The following PRDM1 variants were observed in gnomAD, a reference collection of about 807,000 sequenced individuals.
The protein encoded by PRDM1 is PR domain zinc finger protein 1.
In PRDM1, 13 loss-of-function variants were observed where a neutral mutation model predicts 62.8. The observed-to-expected ratio is 0.21, with a 90% CI of 0.13 to 0.33. PRDM1 has a LOEUF of 0.33. Ranked by LOEUF, PRDM1 falls within the 10% of genes least tolerant of loss-of-function variation. The pLI, the probability that PRDM1 is intolerant of heterozygous loss-of-function variation, is 1.00. For synonymous variants in PRDM1, 396 were observed against 417.6 expected, an observed-to-expected ratio of 0.95 and a Z score of 0.63; for missense variants, 895 against 1,058.8, an observed-to-expected ratio of 0.85 and a Z score of 2.15.
At chr6:106,067,621 A>G (rs1284048393) in intron 1 of PRDM1, among the ~76,000 whole-genome samples, 1 of 152,232 alleles carries the variant, frequency 6.6e-6, no homozygotes. Context: ...GCCAGACACG[A>G]AAGTTCAAAT....
intron 1 of PRDM1, among the ~76,000 whole-genome samples, chr6:106,040,304 C>A (rs952032535): frequency 2.0e-5 from 3 of 152,184 alleles, no homozygotes; most frequent in Non-Finnish European, 2.9e-5. Context: ...CTCTTCTCTC[C>A]AGGACCATTC....
intron 1 of PRDM1, among the ~76,000 whole-genome samples, chr6:106,008,523 C>A (rs917955098): frequency 6.6e-6 from 1 of 152,124 alleles, no homozygotes; most frequent in Non-Finnish European, 1.5e-5. Context: ...CAAGTGTCTC[C>A]TTTATAACAT....
intron 2 of PRDM1, among the ~76,000 whole-genome samples, chr6:106,094,215 T>C (rs1426187128): frequency 6.6e-6 from 1 of 152,224 alleles, no homozygotes; most frequent in Non-Finnish European, 1.5e-5. Flanking sequence ...ATATAAAAAC[T>C]GGAAAATAAA....
chr6:106,019,838 C>T (rs1226992686), intron 1 of PRDM1, among the ~76,000 whole-genome samples: 1 of 149,434 alleles, frequency 6.7e-6, no homozygotes, highest in Admixed American at 6.7e-5. Flanking sequence ...CGGGGTTTCA[C>T]CATGTTGGTC....
intron 1 of PRDM1, among the ~76,000 whole-genome samples, chr6:106,031,364 T>C (rs965661760): frequency 3.3e-5 from 5 of 152,238 alleles, no homozygotes; most frequent in South Asian, 2.1e-4. Flanking sequence ...CAGAGGGATC[T>C]GCCCAGGCTT....
At chr6:106,014,878 G>A (rs1326328013) in intron 1 of PRDM1, among the ~76,000 whole-genome samples, 1 of 152,150 alleles carries the variant, frequency 6.6e-6, no homozygotes, top group African/African-American at 2.4e-5. Flanking sequence ...AAGATGGTGA[G>A]CAGGGGTTTT....
chr6:106,062,100 T>A (rs1352899291), intron 1 of PRDM1, among the ~76,000 whole-genome samples: 1 of 152,230 alleles, frequency 6.6e-6, no homozygotes, highest in East Asian at 1.9e-4. Flanking sequence ...TATTTAAAAT[T>A]GTAAAAAAAT....
At chr6:106,087,219 T>C (rs1214939904) in intron 1 of PRDM1, among the ~76,000 whole-genome samples, 1 of 152,194 alleles carries the variant, frequency 6.6e-6, no homozygotes, top group Non-Finnish European at 1.5e-5. Context: ...AGGGAGGATT[T>C]TGGGGGAATA....
At chr6:106,035,671 A>G (rs1772916150) in intron 1 of PRDM1, among the ~76,000 whole-genome samples, 1 of 152,224 alleles carries the variant, frequency 6.6e-6, no homozygotes, top group Non-Finnish European at 1.5e-5. Context: ...GTCTAAAATT[A>G]GTATACCTAC....
intron 1 of PRDM1, among the ~76,000 whole-genome samples, chr6:106,069,559 T>A (rs1483092572): frequency 2.0e-5 from 3 of 152,226 alleles, no homozygotes; most frequent in Non-Finnish European, 4.4e-5. Context: ...AAGATTTAGA[T>A]GACGGCATCG....
At chr6:106,061,099 G>A (rs998687135) in intron 1 of PRDM1, among the ~76,000 whole-genome samples, 4 of 152,204 alleles carry the variant, frequency 2.6e-5, no homozygotes, top group Admixed American at 1.3e-4. Context: ...GTTTTTAGCC[G>A]GTGTCCCTGG....
upstream of PRDM1, among the ~76,000 whole-genome samples, chr6:106,083,441 C>T (rs1279176025): frequency 6.6e-6 from 1 of 151,946 alleles, no homozygotes; most frequent in Non-Finnish European, 1.5e-5. Context: ...TTCAGGTCTC[C>T]AGATTTGGTG....
At chr6:106,048,131 C>T (rs79447524), upstream of PRDM1, among the ~76,000 whole-genome samples, 329 of 150,968 alleles carry the variant, frequency 2.2e-3, 14 homozygotes, top group East Asian at 0.061. Context: ...CAATATCTTG[C>T]ACTTTGGGAG....
intron 1 of PRDM1, among the ~76,000 whole-genome samples, chr6:105,998,933 A>ATATATTTTT (rs1290453454): frequency 1.6e-4 from 1 of 6,400 alleles, no homozygotes; most frequent in Non-Finnish European, 2.6e-4. Context: ...ATATATATAT[A>ATATATTTTT]TTTTTTTTTT....
chr6:106,105,810 T>A lies in PRDM1; in HGVS notation c.1650T>A (p.Ile550=), dbSNP rs750338564. ...APSSDEAMNL[I]KNKRNMTGYK... ...GCAGCGACGAAGCCATGAATCTCAT[T>A]AAAAACAAAAGAAACATGACCGGCT... is the stretch of plus-strand genomic sequence containing the variant. The change falls in exon 5 of 7, where the codon ATT becomes ATA. Residue 550 remains isoleucine (I), a synonymous_variant. Transcript: ENST00000369096. 2 of 1,614,092 alleles carry A rather than the reference T, an allele frequency of 1.2e-6. No homozygotes were observed. The highest frequency in any genetic ancestry group is 4.5e-5 in the East Asian group (2 of 44,880).
At chr6:106,009,937 C>T (rs1476712176) in intron 1 of PRDM1, among the ~76,000 whole-genome samples, 6 of 152,162 alleles carry the variant, frequency 3.9e-5, no homozygotes, top group Non-Finnish European at 8.8e-5. Flanking sequence ...AGGCTGGTCT[C>T]GAACTCTTAA....
intron 1 of PRDM1, among the ~76,000 whole-genome samples, chr6:105,999,978 T>C (rs1481741699): frequency 6.6e-6 from 1 of 152,064 alleles, no homozygotes; most frequent in Non-Finnish European, 1.5e-5. Context: ...GCCTCCCAAG[T>C]AGCTGGGACT....
chr6:106,050,540 A>G (rs1366632394), intron 1 of PRDM1, among the ~76,000 whole-genome samples: 1 of 152,194 alleles, frequency 6.6e-6, no homozygotes, highest in African/African-American at 2.4e-5. Context: ...TTCTTTCACA[A>G]AAACAGATGA....
chr6:106,030,589 A>T (rs1772827251), intron 1 of PRDM1, among the ~76,000 whole-genome samples: 1 of 152,150 alleles, frequency 6.6e-6, no homozygotes, highest in Non-Finnish European at 1.5e-5. Context: ...CAGGTAACTT[A>T]TCTAAAAAAC....
Sources: gnomAD v4.1 joint callset for allele counts (sites outside exome capture counted in the v4.1 genomes callset) on GRCh38, gnomAD v4.1.1 for gene constraint, MANE v1.5 for transcripts, NCBI Gene and HGNC (gene_info 2026-07-23, HGNC 2026-07-21) for gene names.